ADAMTS18: variants seen among roughly 807,000 people sequenced by gnomAD.
ADAMTS18 encodes ADAM metallopeptidase with thrombospondin type 1 motif 18, also known as A disintegrin and metalloproteinase with thrombospondin motifs 18.
A neutral mutation model predicts 165.9 loss-of-function variants in ADAMTS18; 157 were observed. The observed-to-expected ratio is 0.95, with a 90% CI of 0.83 to 1.08. The LOEUF is 1.08. Ranked by LOEUF, ADAMTS18 falls within the 50% of genes least tolerant of loss-of-function variation. The pLI is 0.00. For synonymous variants in ADAMTS18, 782 were observed against 578.2 expected, an observed-to-expected ratio of 1.35 and a Z score of -5.06; for missense variants, 2,040 against 1,534.0, an observed-to-expected ratio of 1.33 and a Z score of -5.51.
chr16:77,403,531 C>T (rs1238248281), intron 3 of ADAMTS18, among the ~76,000 whole-genome samples: 1 of 152,064 alleles, frequency 6.6e-6, no homozygotes, highest in Non-Finnish European at 1.5e-5. Context: ...GGTTTAGGGA[C>T]CAATGTAGTT....
At chr16:77,431,737 G>C (rs1441917704) in intron 2 of ADAMTS18, 126 bp from the exon 3 acceptor site, 7 of 997,852 alleles carry the variant, frequency 7.0e-6, no homozygotes, top group South Asian at 3.8e-5. Context: ...CTTGCACCTA[G>C]ATCAAATATA....
intron 10 of ADAMTS18, among the ~76,000 whole-genome samples, chr16:77,342,542 C>T (rs1272935717): frequency 2.0e-5 from 3 of 152,190 alleles, no homozygotes; most frequent in African/African-American, 7.2e-5. Context: ...CCTCCCACCT[C>T]AGTCTCCCAA....
At chr16:77,372,097 G>C (rs2056884372) in intron 3 of ADAMTS18, among the ~76,000 whole-genome samples, 1 of 152,244 alleles carries the variant, frequency 6.6e-6, no homozygotes, top group East Asian at 1.9e-4. Context: ...CAATTAGAAT[G>C]ACTATTATCA....
In ADAMTS18 at chr16:77,416,418, T is replaced by C. The variant is rs182661168; in HGVS notation, c.495+14877A>G. 6.8e-3 allele frequency among the ~76,000 whole-genome samples: 1,042 copies of C among 152,266 alleles called. 10 individuals are homozygous for C. The highest frequency in any genetic ancestry group is 6.7e-3 in the Non-Finnish European group (456 of 68,020). ...ACCTTGAATTGTAATAATCCCCACA[T>C]GTCAAGGGCAGGGCCAGGTGGAGAT... is the stretch of plus-strand genomic sequence containing the variant. On this transcript the variant is annotated intron_variant, in intron 3 of 22. Coordinates refer to ENST00000282849, the MANE Select transcript of ADAMTS18 (RefSeq NM_199355.4).
chr16:77,304,438 G>C (rs1002141227), intron 16 of ADAMTS18, among the ~76,000 whole-genome samples: 15 of 152,302 alleles, frequency 9.8e-5, no homozygotes, highest in African/African-American at 2.9e-4. Context: ...TCCAGCCTGG[G>C]CCATAGAGTG....
At chr16:77,395,534 T>C (rs1359580758) in intron 3 of ADAMTS18, among the ~76,000 whole-genome samples, 1 of 152,226 alleles carries the variant, frequency 6.6e-6, no homozygotes, top group Non-Finnish European at 1.5e-5. Context: ...CCCTCAGGGC[T>C]GCGTTCACTC....
intron 3 of ADAMTS18, among the ~76,000 whole-genome samples, chr16:77,409,971 C>A (rs984896225): frequency 6.6e-6 from 1 of 151,954 alleles, no homozygotes; most frequent in African/African-American, 2.4e-5. Context: ...TTGACTCACC[C>A]GATACTACTT....
rs74025916 is a variant in ADAMTS18 at position 77,349,419 on chromosome 16, T to C, written c.1614+4314A>G. 4.0e-3 allele frequency among the ~76,000 whole-genome samples: 603 copies of C among 150,714 alleles called. 5 individuals carry two copies. Among genetic ancestry groups the C allele is most frequent in the African/African-American group, 0.014 (583 of 40,958 alleles). On this transcript the variant is annotated intron_variant, in intron 10 of 22. Transcript: ENST00000282849. ...GTCACCCCAGCCCACCAGACACAAA[T>C]GCATATCTGATTGTTCCCCTGCCCC... is the stretch of plus-strand genomic sequence containing the variant.
At chr16:77,411,068 G>A (rs1402734043) in intron 3 of ADAMTS18, among the ~76,000 whole-genome samples, 1 of 152,148 alleles carries the variant, frequency 6.6e-6, no homozygotes, top group East Asian at 1.9e-4. Flanking sequence ...CTGACTACCT[G>A]TTTTAGGTGA....
chr16:77,406,519 T>C (rs1372099263), intron 3 of ADAMTS18, among the ~76,000 whole-genome samples: 4 of 151,994 alleles, frequency 2.6e-5, no homozygotes, highest in African/African-American at 9.7e-5. Flanking sequence ...AATAAATCCA[T>C]GAAGATTGGG....
chr16:77,327,170 G>C (rs919733624), intron 12 of ADAMTS18, among the ~76,000 whole-genome samples: 2 of 152,110 alleles, frequency 1.3e-5, no homozygotes, highest in Non-Finnish European at 2.9e-5. Flanking sequence ...ACCTGCATGT[G>C]TCTTTATGGT....
chr16:77,333,177 GCCCACCATA>G (rs2056218417), intron 12 of ADAMTS18, among the ~76,000 whole-genome samples: 1 of 152,126 alleles, frequency 6.6e-6, no homozygotes, highest in South Asian at 2.1e-4. Context: ...TTTGGTTTCT[GCCCACCATA>G]CCTTCCCTCG....
chr16:77,326,658 C>T (rs1488234092), intron 12 of ADAMTS18, among the ~76,000 whole-genome samples: 1 of 152,208 alleles, frequency 6.6e-6, no homozygotes. Flanking sequence ...GTGGGGATTA[C>T]AGGTGTGAAC....
At chr16:77,288,370 A>G (rs1401620508) in intron 22 of ADAMTS18, among the ~76,000 whole-genome samples, 3 of 151,558 alleles carry the variant, frequency 2.0e-5, no homozygotes, top group South Asian at 4.2e-4. Flanking sequence ...GACTAGGATG[A>G]TCTGGCTCTG....
At chr16:77,317,478 C>A (rs867613679) in intron 16 of ADAMTS18, among the ~76,000 whole-genome samples, 4 of 152,272 alleles carry the variant, frequency 2.6e-5, no homozygotes, top group Middle Eastern at 6.8e-3. Context: ...GGATTACAGG[C>A]ATGCGCCACC....
In ADAMTS18 at chr16:77,321,127, T is replaced by C; in HGVS notation, c.2239A>G (p.Thr747Ala). ...ACGVCKGDNS[T>A]CKFYKGLYLN... The stretch of plus-strand genomic sequence containing the variant: ...TACAGGCCTTTATAAAACTTGCAAG[T>C]TGAATTATCACCTTTGCAAACGCCA... The change falls in exon 15 of 23, where the codon ACT becomes GCT. Residue 747 changes from threonine (T) to alanine (A), a missense_variant. By Grantham distance (58) the Thr-to-Ala change is moderately conservative. Coordinates refer to ENST00000282849, the MANE Select transcript of ADAMTS18 (RefSeq NM_199355.4). 6.2e-7 allele frequency: 1 copy of C among 1,614,118 alleles called. No individual in the cohort carries two copies. Among genetic ancestry groups the C allele is most frequent in the Non-Finnish European group, 8.5e-7 (1 of 1,179,966 alleles).
chr16:77,326,056 G>T lies in ADAMTS18; in HGVS notation c.1860-18C>A. 2 of 1,610,696 alleles carry T rather than the reference G, an allele frequency of 1.2e-6. No individual in the cohort carries two copies. Among genetic ancestry groups the T allele is most frequent in the South Asian group, 2.2e-5 (2 of 90,926 alleles). On this transcript the variant is annotated intron_variant, in intron 12 of 22. Coordinates refer to ENST00000282849, the MANE Select transcript of ADAMTS18 (RefSeq NM_199355.4). The stretch of plus-strand genomic sequence containing the variant: ...ACTGAGGCCTGAAAATGAAATTAAT[G>T]AACTTTAATGTTAGTAATCAAAGGG...
intron 3 of ADAMTS18, among the ~76,000 whole-genome samples, chr16:77,424,146 C>T (rs930715081): frequency 6.6e-6 from 1 of 152,138 alleles, no homozygotes; most frequent in African/African-American, 2.4e-5. Flanking sequence ...ACTTGGGGAG[C>T]CTGATGCCTT....
In ADAMTS18 at chr16:77,400,424, T is replaced by TTGTG. The variant is rs145473637; in HGVS notation, c.495+30867_495+30870dup. Among the ~76,000 whole-genome samples the TTGTG allele has an allele frequency of 9.0e-3, 1,225 of 135,974 alleles. 13 individuals are homozygous for TTGTG. The highest frequency in any genetic ancestry group is 0.015 in the South Asian group (63 of 4,150). 89.2% of individuals were successfully genotyped at this position (135,974 alleles called of 152,430 possible). On this transcript the variant is annotated intron_variant, in intron 3 of 22. Transcript: ENST00000282849. ...AGTGAACATCCTATTTCAGGGGGAA[T>TTGTG]TGTGTGTGTGTGTGTGTGTGTGTGT... is the stretch of plus-strand genomic sequence containing the variant.
Sources: allele counts gnomAD v4.1 joint callset (sites outside exome capture counted in the v4.1 genomes callset), GRCh38; gene constraint gnomAD v4.1.1; transcripts MANE v1.5; gene names NCBI Gene and HGNC (gene_info 2026-07-23, HGNC 2026-07-21).